Variants in COL5A2 observed in about 807,000 individuals in gnomAD.
The protein encoded by COL5A2 is collagen type V alpha 2 chain, also known as collagen alpha-2(V) chain.
COL5A2 carries 23 observed loss-of-function variants against 208.2 expected under a neutral mutation model. The ratio of observed to expected loss-of-function variants is 0.11; its 90% confidence interval spans 0.08 to 0.16. The LOEUF is 0.16. Ranked by LOEUF, COL5A2 falls within the 10% of genes least tolerant of loss-of-function variation. The pLI, the probability that COL5A2 is intolerant of heterozygous loss-of-function variation, is 1.00. For missense variants in COL5A2, 1,590 were observed against 1,956.4 expected (o/e 0.81, Z 3.53); for synonymous variants, 625 against 628.5 (o/e 0.99, Z 0.08).
At chr2:189,089,993 G>A (rs138803560) in intron 7 of COL5A2, among the ~76,000 whole-genome samples, 138 of 152,208 alleles carry the variant, frequency 9.1e-4, no homozygotes, top group Middle Eastern at 3.4e-3. Context: ...GAAAGAAAGA[G>A]TCTCACATCT....
intron 1 of COL5A2, among the ~76,000 whole-genome samples, chr2:189,202,813 T>C (rs1344511437): frequency 6.6e-6 from 1 of 152,150 alleles, no homozygotes; most frequent in Non-Finnish European, 1.5e-5. Context: ...ATAAAATTCA[T>C]TTATTAACCT....
chr2:189,267,657 G>A, the COL5A2 span, among the ~76,000 whole-genome samples: 1 of 152,186 alleles, frequency 6.6e-6, no homozygotes, highest in African/African-American at 2.4e-5. Flanking sequence ...CCTGAGACTG[G>A]ACTTTTACAT....
intron 1 of COL5A2, among the ~76,000 whole-genome samples, chr2:189,153,961 T>A (rs1320636085): frequency 6.6e-6 from 1 of 152,148 alleles, no homozygotes; most frequent in African/African-American, 2.4e-5. Context: ...ATAACAGCTT[T>A]CCAATATTCC....
At chr2:189,188,942 T>G (rs1321628505) in intron 1 of COL5A2, among the ~76,000 whole-genome samples, 1 of 152,256 alleles carries the variant, frequency 6.6e-6, no homozygotes, top group Non-Finnish European at 1.5e-5. Flanking sequence ...TAAAGACTTC[T>G]GTGTATTGGA....
chr2:189,177,745 A>G (rs909619781), intron 1 of COL5A2, among the ~76,000 whole-genome samples: 5 of 152,180 alleles, frequency 3.3e-5, no homozygotes, highest in African/African-American at 1.2e-4. Flanking sequence ...TATGTCAATT[A>G]CTATTAAGAA....
intron 51 of COL5A2, among the ~76,000 whole-genome samples, 184 bp downstream of exon 51, chr2:189,039,087 CA>C (rs1181607842): frequency 6.6e-6 from 1 of 152,076 alleles, no homozygotes; most frequent in Non-Finnish European, 1.5e-5. Flanking sequence ...TGATGCTGAG[CA>C]TTTTTTTCAT....
intron 17 of COL5A2, among the ~76,000 whole-genome samples, chr2:189,072,680 G>A (rs184384219): frequency 2.1e-3 from 312 of 148,394 alleles, no homozygotes; most frequent in African/African-American, 7.2e-3. Context: ...GCTGAGGCAG[G>A]AGAATTGCTG....
intron 12 of COL5A2, among the ~76,000 whole-genome samples, chr2:189,083,782 A>G (rs1686590908): frequency 6.6e-6 from 1 of 152,130 alleles, no homozygotes; most frequent in South Asian, 2.1e-4. Flanking sequence ...AGGCTTATTT[A>G]TGGTGCCAAT....
chr2:189,374,319 T>C, the COL5A2 span, among the ~76,000 whole-genome samples: 1 of 151,890 alleles, frequency 6.6e-6, no homozygotes, highest in Non-Finnish European at 1.5e-5. Flanking sequence ...TTTTTTTTTT[T>C]GAGGGAGAAA....
chr2:189,318,351 C>T, the COL5A2 span, among the ~76,000 whole-genome samples: 2 of 152,216 alleles, frequency 1.3e-5, no homozygotes, highest in South Asian at 2.1e-4. Flanking sequence ...AGGATTCCAT[C>T]GCCCATTTTA....
the COL5A2 span, among the ~76,000 whole-genome samples, chr2:189,264,564 C>T: frequency 6.6e-6 from 1 of 151,994 alleles, no homozygotes; most frequent in African/African-American, 2.4e-5. Flanking sequence ...AGCAAAGAGA[C>T]AGTTACAGTA....
the COL5A2 span, among the ~76,000 whole-genome samples, chr2:189,384,351 T>C: frequency 6.6e-6 from 1 of 152,108 alleles, no homozygotes; most frequent in Non-Finnish European, 1.5e-5. Flanking sequence ...GTAATGGCTA[T>C]ACTAATTTAT....
chr2:189,344,760 G>A, the COL5A2 span, among the ~76,000 whole-genome samples: 1 of 152,158 alleles, frequency 6.6e-6, no homozygotes, highest in Non-Finnish European at 1.5e-5. Flanking sequence ...CTCTTCCTAG[G>A]CAATCAGGAA....
At chr2:189,158,685 A>T (rs1688302125) in intron 1 of COL5A2, among the ~76,000 whole-genome samples, 1 of 152,016 alleles carries the variant, frequency 6.6e-6, no homozygotes, top group Non-Finnish European at 1.5e-5. Flanking sequence ...GGAACTGTCA[A>T]TCTCTTCTAA....
intron 49 of COL5A2, among the ~76,000 whole-genome samples, 162 bp from the exon 50 acceptor site, chr2:189,041,855 A>G (rs1371025621): frequency 2.0e-5 from 3 of 152,238 alleles, no homozygotes; most frequent in Non-Finnish European, 2.9e-5. Flanking sequence ...TGTAACATTT[A>G]TGATTTCATC....
chr2:189,147,159 A>G (rs959517776), intron 1 of COL5A2, among the ~76,000 whole-genome samples: 7 of 152,158 alleles, frequency 4.6e-5, no homozygotes, highest in Admixed American at 1.3e-4. Context: ...CACCTAAACT[A>G]CATATTAAAT....
the COL5A2 span, among the ~76,000 whole-genome samples, chr2:189,371,343 T>C: frequency 1.3e-5 from 2 of 152,198 alleles, no homozygotes; most frequent in Admixed American, 6.5e-5. Context: ...GGCATTGCTA[T>C]AAAGATGGTA....
chr2:189,157,415 C>A lies in COL5A2; in HGVS notation c.97+22093G>T, dbSNP rs181229222. On this transcript the variant is annotated intron_variant, in intron 1 of 53. Coordinates refer to ENST00000374866, the MANE Select transcript of COL5A2 (RefSeq NM_000393.5). ...TAAAATATTCATTAAATTGACAGAG[C>A]ATGCTAAGGACATTTAAATAAAGAA... is the stretch of plus-strand genomic sequence containing the variant. 5.9e-5 allele frequency among the ~76,000 whole-genome samples: 9 copies of A among 151,826 alleles called. No individual in the cohort carries two copies. The East Asian group carries it at 1.7e-3, about 29-fold the overall frequency.
chr2:189,437,443 A>T, the COL5A2 span, among the ~76,000 whole-genome samples: 7 of 152,216 alleles, frequency 4.6e-5, no homozygotes, highest in African/African-American at 9.6e-5. Flanking sequence ...TCCACGGACC[A>T]CACTTTGTGC....
Sources: gnomAD v4.1 joint callset for allele counts (sites outside exome capture counted in the v4.1 genomes callset) on GRCh38, gnomAD v4.1.1 for gene constraint, MANE v1.5 for transcripts, NCBI Gene and HGNC (gene_info 2026-07-23, HGNC 2026-07-21) for gene names.